PRMT2: variants seen among roughly 807,000 people sequenced by gnomAD.
The protein encoded by PRMT2 is protein arginine N-methyltransferase 2.
A neutral mutation model predicts 57.6 loss-of-function variants in PRMT2; 26 were observed. The observed-to-expected ratio is 0.45, with a 90% CI of 0.33 to 0.63. The LOEUF (loss-of-function observed/expected upper bound fraction) is 0.63, where lower values mean the gene tolerates loss of function less well. Ranked by LOEUF, PRMT2 falls within the 20% of genes least tolerant of loss-of-function variation. The pLI is 0.02. For synonymous variants in PRMT2, 219 were observed against 220.0 expected (o/e 1.00, Z 0.04); for missense variants, 472 against 564.4 (o/e 0.84, Z 1.66).
Position 46,649,270 on chromosome 21 carries a change from G to A in PRMT2, c.490-305G>A, listed in dbSNP as rs948096150. Among the ~76,000 whole-genome samples, 1 of 152,190 alleles carries A rather than the reference G, an allele frequency of 6.6e-6. No homozygotes were observed. The highest frequency in any genetic ancestry group is 1.5e-5 in the Non-Finnish European group (1 of 68,030). ...TTGGGTGCTAAGAAGTTGCTGTGCTGGTCATGGATTAAGATTGCTGTGCGT... is the reference window on the plus strand; with the variant it reads ...TTGGGTGCTAAGAAGTTGCTGTGCTAGTCATGGATTAAGATTGCTGTGCGT... On this transcript the variant is annotated intron_variant, in intron 6 of 11. Coordinates refer to ENST00000355680, the MANE Select transcript of PRMT2 (RefSeq NM_206962.4). This position sits in a 1 kb window ranked among gnomAD's most constrained non-coding sequence, Gnocchi z 4.8.
In PRMT2 at chr21:46,648,925, G is replaced by A. The variant is rs1988057722; in HGVS notation, c.489+306G>A. On this transcript the variant is annotated intron_variant, in intron 6 of 11. Transcript: ENST00000355680. This position sits in a 1 kb window ranked among gnomAD's most constrained non-coding sequence, Gnocchi z 4.8. The stretch of plus-strand genomic sequence containing the variant: ...TATGTTCTGTGAGACGTTTATTTCA[G>A]TTGAGTAGAGAAACACGTGCACCCA... 6.6e-6 allele frequency among the ~76,000 whole-genome samples: 1 copy of A among 152,250 alleles called. No individual in the cohort carries two copies. Among genetic ancestry groups the A allele is most frequent in the Non-Finnish European group, 1.5e-5 (1 of 68,054 alleles).
intron 7 of PRMT2, chr21:46,653,710 C>G: frequency 1.6e-6 from 2 of 1,252,332 alleles, no homozygotes; most frequent in Non-Finnish European, 2.0e-6. Flanking sequence ...TTCTGGTGCC[C>G]ACACGCACAC....
At chr21:46,660,492 G>A (rs959460932) in intron 8 of PRMT2, among the ~76,000 whole-genome samples, 4 of 152,214 alleles carry the variant, frequency 2.6e-5, no homozygotes, top group Non-Finnish European at 5.9e-5. Flanking sequence ...AACTCCCCTT[G>A]TCCTCTGGGT....
chr21:46,651,291 C>T (rs1302779901), intron 7 of PRMT2, among the ~76,000 whole-genome samples: 1 of 152,130 alleles, frequency 6.6e-6, no homozygotes, highest in Non-Finnish European at 1.5e-5. Flanking sequence ...ACGGTGCCTC[C>T]CAGCCCTGAG....
At chr21:46,662,507 C>T (rs914547980) in intron 10 of PRMT2, among the ~76,000 whole-genome samples, 1 of 152,206 alleles carries the variant, frequency 6.6e-6, no homozygotes, top group Non-Finnish European at 1.5e-5. Context: ...GATGGCCTGG[C>T]CTGGCATGTG....
chr21:46,661,061 G>C, intron 9 of PRMT2, 99 bp downstream of exon 9: 1 of 1,183,598 alleles, frequency 8.4e-7, no homozygotes, highest in Non-Finnish European at 1.2e-6. Flanking sequence ...TGAGTGCTGG[G>C]GGTGTGAGTG....
At position 46,648,974 on chromosome 21, in the gene PRMT2, G is replaced by C. The variant is rs1391567876; in HGVS notation, c.489+355G>C. On this transcript the variant is annotated intron_variant, in intron 6 of 11. Coordinates refer to ENST00000355680, the MANE Select transcript of PRMT2 (RefSeq NM_206962.4). The surrounding 1 kb of genome is among the most constrained non-coding windows in gnomAD (Gnocchi z 4.8). ...CACATGTCTGTGCTGGGCCTTGGGT[G>C]TGGTTGGTCTCATGGGGTTGGGAGG... Among the ~76,000 whole-genome samples the C allele has an allele frequency of 6.6e-6, 1 of 152,184 alleles. No homozygotes were observed. Among genetic ancestry groups the C allele is most frequent in the African/African-American group, 2.4e-5 (1 of 41,430 alleles).
rs914120457 is a variant in PRMT2 at position 46,653,277 on chromosome 21, C to T, written c.654+3538C>T. Reference sequence around the variant, plus strand: ...GTATTATCACAAATCCTGAGCTTAACGAAAGTCTTTATAAGTCAGCTCATG... The same window carrying T: ...GTATTATCACAAATCCTGAGCTTAATGAAAGTCTTTATAAGTCAGCTCATG... On this transcript the variant is annotated intron_variant, in intron 7 of 11. Transcript: ENST00000355680. 9.7e-5 allele frequency: 96 copies of T among 985,254 alleles called. 1 individual carries two copies. The highest frequency in any genetic ancestry group is 8.5e-4 in the South Asian group (18 of 21,282). 61.0% of individuals were successfully genotyped at this position (985,254 alleles called of 1,614,324 possible). A position where few individuals can be genotyped will look rare whatever the true frequency, so the allele number is the denominator to read the frequency against.
chr21:46,661,771 A>C lies in PRMT2; in HGVS notation c.961-29A>C, dbSNP rs771540707. ...GGCCCTGCGGTGCCACGCGGTGCCC[A>C]CGCGTGCCTTGTCATCTGCTTGACC... On this transcript the variant is annotated intron_variant, in intron 9 of 11. Coordinates refer to ENST00000355680, the MANE Select transcript of PRMT2 (RefSeq NM_206962.4). 4.5e-6 allele frequency: 6 copies of C among 1,325,098 alleles called. No individual in the cohort carries two copies. In the African/African-American group the frequency reaches 9.2e-5, roughly 20 times the overall value. 82.1% of individuals were successfully genotyped at this position (1,325,098 alleles called of 1,614,324 possible).
At position 46,648,492 on chromosome 21, in the gene PRMT2, G is replaced by GA; in HGVS notation, c.364dup (p.Thr122AsnfsTer3). 1 of 1,614,164 alleles carries GA rather than the reference G, an allele frequency of 6.2e-7. No individual in the cohort carries two copies. The highest frequency in any genetic ancestry group is 8.5e-7 in the Non-Finnish European group (1 of 1,180,024). On this transcript the variant is annotated frameshift_variant, in exon 6 of 12. Coordinates refer to ENST00000355680, the MANE Select transcript of PRMT2 (RefSeq NM_206962.4). LOFTEE classifies it high-confidence loss of function. This position sits in a 1 kb window ranked among gnomAD's most constrained non-coding sequence, Gnocchi z 4.8. ...TTGGAGATGTTGGCAGACCAGCCAC[G>GA]AACAACTAAATACCACAGTGTCATC...
Position 46,648,399 on chromosome 21 carries a change from C to T in PRMT2, c.328-59C>T. The T allele has an allele frequency of 6.3e-7, 1 of 1,580,826 alleles. No homozygotes were observed. Among genetic ancestry groups the T allele is most frequent in the Non-Finnish European group, 8.6e-7 (1 of 1,157,310 alleles). ...TGTGGCTCTGACCCTCCATCTCAGT[C>T]CAGACCTCAGCATGGCTCTAGGTCA... On this transcript the variant is annotated intron_variant, in intron 5 of 11. Coordinates refer to ENST00000355680, the MANE Select transcript of PRMT2 (RefSeq NM_206962.4). This position sits in a 1 kb window ranked among gnomAD's most constrained non-coding sequence, Gnocchi z 4.8.
Position 46,661,840 on chromosome 21 carries a change from G to A in PRMT2, c.1001G>A (p.Gly334Glu). Residue 334 changes from glycine to glutamate, a missense_variant, in exon 10 of 12, where the codon GGG becomes GAG. This residue lies in a region of PRMT2 where 229 missense variants were observed against 217.2 expected (regional missense o/e 1.05). Coordinates refer to ENST00000355680, the MANE Select transcript of PRMT2 (RefSeq NM_206962.4). Reference protein sequence around the residue: ...GELRFDIRKAGTLHGFTAWFS... With the variant: ...GELRFDIRKAETLHGFTAWFS... ...CTGCGCTTCGACATCAGGAAGGCGG[G>A]GACCCTGCACGGCTTCACGGCCTGG... 1 of 1,508,216 alleles carries A rather than the reference G, an allele frequency of 6.6e-7. No individual in the cohort carries two copies. Among genetic ancestry groups the A allele is most frequent in the Non-Finnish European group, 8.9e-7 (1 of 1,123,054 alleles). The allele number at this position is 1,508,216 out of a possible 1,614,324, so 93.4% of individuals were successfully genotyped here.
intron 7 of PRMT2, chr21:46,653,374 C>T (rs1368226169): frequency 2.0e-6 from 2 of 985,314 alleles, no homozygotes; most frequent in East Asian, 2.3e-4. Flanking sequence ...GTATTTAAGG[C>T]TGTTTGCACA....
At chr21:46,662,002 A>ATGGGGCGCTCAGGAGGGGG (rs2061634156) in intron 10 of PRMT2, 66 bp downstream of exon 10, 1 of 97,568 alleles carries the variant, frequency 1.0e-5, no homozygotes. Context: ...GGGTGCGGGG[A>ATGGGGCGCTCAGGAGGGGG]TGGGGCGCGC....
intron 3 of PRMT2, 117 bp downstream of exon 3, chr21:46,637,107 C>T (rs1253905964): frequency 9.9e-6 from 10 of 1,009,218 alleles, no homozygotes; most frequent in Middle Eastern, 2.0e-4. Flanking sequence ...AGGTGGCCAC[C>T]GGCAGTAGAA....
In PRMT2 at chr21:46,648,584, A is replaced by C. The variant is rs1309743563; in HGVS notation, c.454A>C (p.Ser152Arg). The C allele has an allele frequency of 6.2e-7, 1 of 1,614,220 alleles. No individual in the cohort carries two copies. The change falls in exon 6 of 12, where the codon AGT (serine) becomes CGT (arginine). Residue 152 changes from serine to arginine, a missense_variant. Physicochemically the swap from Ser to Arg is moderately radical, Grantham distance 110 (BLOSUM62 -1). Transcript: ENST00000355680. This position sits in a 1 kb window ranked among gnomAD's most constrained non-coding sequence, Gnocchi z 4.8. The stretch of plus-strand genomic sequence containing the variant: ...CGTGGGCTGTGGGACTGGGATCATC[A>C]GTCTCTTCTGTGCACACTATGCGCG... ...LDVGCGTGII[S>R]LFCAHYARPR...
chr21:46,652,085 G>T, intron 7 of PRMT2: 1 of 1,568,022 alleles, frequency 6.4e-7, no homozygotes, highest in East Asian at 2.3e-5. Context: ...TTCAGTCAGT[G>T]CAGCAAGGGC....
Position 46,649,759 on chromosome 21 carries a change from C to T in PRMT2, c.654+20C>T, listed in dbSNP as rs1298122604. The T allele has an allele frequency of 1.2e-6, 2 of 1,607,352 alleles. No individual in the cohort carries two copies. Among genetic ancestry groups the T allele is most frequent in the African/African-American group, 1.3e-5 (1 of 74,896 alleles). ...CTGCTGGTGAGGGCGGGCGTGCGGG[C>T]AGCTGGGGGCCGGAGCTGGGGGGCT... On this transcript the variant is annotated intron_variant, in intron 7 of 11. Transcript: ENST00000355680. This position sits in a 1 kb window ranked among gnomAD's most constrained non-coding sequence, Gnocchi z 4.8.
chr21:46,641,961 A>G (rs1382483593), intron 3 of PRMT2, among the ~76,000 whole-genome samples: 1 of 152,218 alleles, frequency 6.6e-6, no homozygotes, highest in Non-Finnish European at 1.5e-5. Flanking sequence ...AAAAGATGCC[A>G]GCAAGTATTT....
Sources: gnomAD v4.1 joint callset for allele counts (sites outside exome capture counted in the v4.1 genomes callset) on GRCh38, gnomAD v4.1.1 for gene constraint, gnomAD v4.1.1 regional missense constraint, Gnocchi (gnomAD v3.1) non-coding constraint, MANE v1.5 for transcripts, NCBI Gene and HGNC (gene_info 2026-07-23, HGNC 2026-07-21) for gene names.